Variants in FHL2 observed in about 807,000 individuals in gnomAD.
FHL2 encodes the protein four and a half LIM domains protein 2.
Under a neutral mutation model 32.7 loss-of-function variants are expected in FHL2, and 20 were observed. The ratio of observed to expected loss-of-function variants is 0.61; its 90% CI spans 0.43 to 0.89. The LOEUF (loss-of-function observed/expected upper bound fraction) is 0.89. Among genes scored for constraint, FHL2 ranks in the 40% least tolerant of loss-of-function variants. FHL2 has a pLI of 0.00. For synonymous variants in FHL2, 123 were observed against 128.1 expected, an observed-to-expected ratio of 0.96 and a Z score of 0.27; for missense variants, 311 against 358.6, an observed-to-expected ratio of 0.87 and a Z score of 1.07.
chr2:105,401,442 CT>C (rs1683466196), upstream of FHL2, among the ~76,000 whole-genome samples: 1 of 152,142 alleles, frequency 6.6e-6, no homozygotes, highest in Non-Finnish European at 1.5e-5. Flanking sequence ...AGTCTGTCTC[CT>C]TTTGTAATGC....
At chr2:105,396,966 C>T in intron 1 of FHL2, 1 of 440,758 alleles carries the variant, frequency 2.3e-6, no homozygotes, top group Non-Finnish European at 4.0e-6. Flanking sequence ...GAGTAACTGG[C>T]CCTCGGCACA....
At chr2:105,429,859 G>C (rs548452654) in intron 1 of FHL2, among the ~76,000 whole-genome samples, 1 of 152,302 alleles carries the variant, frequency 6.6e-6, no homozygotes, top group Non-Finnish European at 1.5e-5. Context: ...CAAGTCAAGA[G>C]TATGGGGTAC....
chr2:105,366,209 CA>C, intron 5 of FHL2, among the ~76,000 whole-genome samples: 1 of 144,906 alleles, frequency 6.9e-6, no homozygotes, highest in East Asian at 2.0e-4. Context: ...GATTCTGTCT[CA>C]AAAAAAGAAA....
chr2:105,415,509 T>C (rs1431760410), intron 1 of FHL2, among the ~76,000 whole-genome samples: 1 of 152,260 alleles, frequency 6.6e-6, no homozygotes. Flanking sequence ...CAGCATATCT[T>C]ACCACAGCAA....
At chr2:105,397,887 TG>T (rs200743687) in intron 1 of FHL2, among the ~76,000 whole-genome samples, 13,319 of 103,758 alleles carry the variant, frequency 0.13, 885 homozygotes, top group African/African-American at 0.23. Context: ...TTTTGTTTTT[TG>T]TTTTTTTTTG....
intron 1 of FHL2, among the ~76,000 whole-genome samples, chr2:105,420,305 A>T (rs1297998705): frequency 2.0e-5 from 3 of 152,126 alleles, no homozygotes; most frequent in African/African-American, 4.8e-5. Context: ...CTCTGTCTTC[A>T]CGTGGACATA....
chr2:105,426,167 C>T (rs1308013837), intron 1 of FHL2, among the ~76,000 whole-genome samples: 1 of 152,122 alleles, frequency 6.6e-6, no homozygotes, highest in African/African-American at 2.4e-5. Flanking sequence ...TTACCCGGTG[C>T]ATTTGTCAAA....
chr2:105,413,621 TC>T lies in FHL2; in HGVS notation c.-25+24777del, dbSNP rs937392546. 1.5e-4 allele frequency among the ~76,000 whole-genome samples: 23 copies of T among 152,156 alleles called. 1 individual carries two copies. The highest frequency in any genetic ancestry group is 8.3e-4 in the South Asian group (4 of 4,820). ...CCCGACAAGCTGGGACCACAGGTGC[TC>T]CACCACACCCAACTAATCTTTTTTT... On this transcript the variant is annotated intron_variant, in intron 1 of 5. Coordinates refer to the FHL2 transcript ENST00000393352.
intron 3 of FHL2, chr2:105,378,115 T>C (rs1681608842): frequency 6.5e-6 from 3 of 464,372 alleles, no homozygotes; most frequent in Non-Finnish European, 8.9e-6. Context: ...CACATCAGCA[T>C]GCCTGCACAG....
chr2:105,405,376 TG>T (rs969415466), intron 1 of FHL2, among the ~76,000 whole-genome samples: 51 of 152,178 alleles, frequency 3.4e-4, no homozygotes, highest in African/African-American at 1.2e-3. Flanking sequence ...ATTTCTGAAA[TG>T]GGGGAGTCTC....
intron 1 of FHL2, among the ~76,000 whole-genome samples, chr2:105,417,825 C>T (rs1339261610): frequency 6.6e-6 from 1 of 151,544 alleles, no homozygotes; most frequent in Non-Finnish European, 1.5e-5. Flanking sequence ...TTTCTTTTTC[C>T]CCCTACTGCT....
At chr2:105,388,290 C>A (rs533590484) in intron 2 of FHL2, among the ~76,000 whole-genome samples, 1 of 152,038 alleles carries the variant, frequency 6.6e-6, no homozygotes, top group Non-Finnish European at 1.5e-5. Context: ...TCTCCATGCC[C>A]GGCACACTGC....
chr2:105,363,123 T>G, intron 6 of FHL2, 162 bp downstream of exon 6: 1 of 636,612 alleles, frequency 1.6e-6, no homozygotes, highest in Non-Finnish European at 2.8e-6. Flanking sequence ...GCATAGCCAG[T>G]GCACCAAGGA....
chr2:105,431,232 A>AC (rs1489061327), intron 1 of FHL2, among the ~76,000 whole-genome samples: 1 of 152,212 alleles, frequency 6.6e-6, no homozygotes, highest in African/African-American at 2.4e-5. Flanking sequence ...TCTAGTAGAC[A>AC]CCACTCACTG....
chr2:105,373,473 A>G, intron 4 of FHL2, 86 bp downstream of exon 4: 1 of 1,452,474 alleles, frequency 6.9e-7, no homozygotes, highest in Non-Finnish European at 9.6e-7. Flanking sequence ...GTCTGGAACC[A>G]AGTCAATGTG....
At chr2:105,359,549 C>G (rs970337201), downstream of FHL2, 2 of 152,120 alleles carry the variant, frequency 1.3e-5, no homozygotes. Context: ...TCTTAGAAAA[C>G]TAAGGACAAA....
intron 2 of FHL2, among the ~76,000 whole-genome samples, chr2:105,394,778 A>T (rs1573365840): frequency 6.6e-6 from 1 of 152,330 alleles, no homozygotes; most frequent in East Asian, 1.9e-4. Flanking sequence ...TACTAAATGC[A>T]TGTACAGACA....
intron 1 of FHL2, among the ~76,000 whole-genome samples, chr2:105,420,138 C>G (rs1015117086): frequency 2.0e-5 from 3 of 152,192 alleles, no homozygotes; most frequent in African/African-American, 7.2e-5. Flanking sequence ...TTTATTGTCT[C>G]CAAGTTTTGG....
intron 3 of FHL2, among the ~76,000 whole-genome samples, chr2:105,383,918 A>G (rs1200388018): frequency 6.6e-6 from 1 of 152,168 alleles, no homozygotes; most frequent in African/African-American, 2.4e-5. Context: ...GTATCTCAAA[A>G]CATTAATCCG....
Sources: allele counts gnomAD v4.1 joint callset (sites outside exome capture counted in the v4.1 genomes callset), GRCh38; gene constraint gnomAD v4.1.1; transcripts MANE v1.5; gene names NCBI Gene and HGNC (gene_info 2026-07-23, HGNC 2026-07-21).